The following NCAM2 variants were observed in gnomAD, a reference collection of about 807,000 sequenced individuals.
NCAM2 encodes the protein N-CAM-2.
NCAM2 carries 30 observed loss-of-function variants against 98.1 expected under a neutral mutation model. That is an observed-to-expected ratio of 0.31 (90% CI 0.23 to 0.41). The LOEUF (loss-of-function observed/expected upper bound fraction) is 0.41, where lower values mean the gene tolerates loss of function less well. Among genes scored for constraint, NCAM2 ranks in the 10% least tolerant of loss-of-function variants. NCAM2 has a pLI of 1.00. For missense variants in NCAM2, 867 were observed against 1,005.8 expected, an observed-to-expected ratio of 0.86 and a Z score of 1.87; for synonymous variants, 368 against 342.4, an observed-to-expected ratio of 1.07 and a Z score of -0.83.
intron 9 of NCAM2, 70 bp from the exon 10 acceptor site, chr21:21,410,204 C>T (rs1602253000): frequency 1.2e-6 from 1 of 804,040 alleles, no homozygotes; most frequent in Non-Finnish European, 1.8e-6. Context: ...ATAACTAATG[C>T]TTATACTACT....
intron 15 of NCAM2, among the ~76,000 whole-genome samples, chr21:21,480,025 A>G (rs1034927368): frequency 2.6e-5 from 4 of 152,112 alleles, no homozygotes; most frequent in African/African-American, 9.7e-5. Context: ...ATGTCCCCCA[A>G]AATCTCCACA....
At chr21:21,337,626 AAC>A (rs2074908876) in intron 7 of NCAM2, among the ~76,000 whole-genome samples, 1 of 152,040 alleles carries the variant, frequency 6.6e-6, no homozygotes, top group Non-Finnish European at 1.5e-5. Flanking sequence ...AAATACAAAT[AAC>A]ACAGATTTCA....
rs536628617 is a variant in NCAM2 at position 21,121,867 on chromosome 21, A to G, written c.55+123249A>G. On this transcript the variant is annotated intron_variant, in intron 1 of 17. Transcript: ENST00000400546. ...AATCAGGAAGCTGATACCACAGCCG[A>G]AGGCTCTAGATCTACATTTCTTCAA... is the stretch of plus-strand genomic sequence containing the variant. 5.9e-5 allele frequency among the ~76,000 whole-genome samples: 9 copies of G among 152,310 alleles called. No homozygotes were observed. The South Asian group carries it at 1.9e-3, about 32-fold the overall frequency.
At chr21:21,383,252 CA>C (rs2076197812) in intron 9 of NCAM2, among the ~76,000 whole-genome samples, 1 of 152,166 alleles carries the variant, frequency 6.6e-6, no homozygotes, top group East Asian at 1.9e-4. Flanking sequence ...ACTCAAACCT[CA>C]AGTGATTTCT....
At chr21:21,201,208 G>C (rs1248689138) in intron 1 of NCAM2, among the ~76,000 whole-genome samples, 2 of 152,210 alleles carry the variant, frequency 1.3e-5, no homozygotes, top group Non-Finnish European at 1.5e-5. Flanking sequence ...GGAAATATGA[G>C]AAGACTATGA....
intron 15 of NCAM2, among the ~76,000 whole-genome samples, chr21:21,499,542 A>G (rs1035918590): frequency 1.1e-4 from 17 of 152,152 alleles, no homozygotes; most frequent in Non-Finnish European, 1.6e-4. Context: ...TGCCTGGCCA[A>G]TAACAATAAA....
intron 16 of NCAM2, among the ~76,000 whole-genome samples, chr21:21,519,254 T>C (rs1988880875): frequency 6.6e-6 from 1 of 152,116 alleles, no homozygotes; most frequent in Non-Finnish European, 1.5e-5. Flanking sequence ...AGATGACTTT[T>C]GCTATTGTGT....
At chr21:21,164,793 G>A (rs989366915) in intron 1 of NCAM2, among the ~76,000 whole-genome samples, 4 of 152,118 alleles carry the variant, frequency 2.6e-5, no homozygotes, top group African/African-American at 9.7e-5. Flanking sequence ...GGGTCAAATA[G>A]TGAATCAAAC....
At chr21:21,142,597 T>C (rs907994286) in intron 1 of NCAM2, among the ~76,000 whole-genome samples, 9 of 152,144 alleles carry the variant, frequency 5.9e-5, no homozygotes, top group Admixed American at 5.9e-4. Flanking sequence ...GCCAGGATGG[T>C]CTTGATCTCC....
intron 15 of NCAM2, 76 bp from the exon 16 acceptor site, chr21:21,508,775 A>G: frequency 2.1e-6 from 2 of 932,676 alleles, no homozygotes; most frequent in South Asian, 2.0e-5. Flanking sequence ...ATCATCTAAT[A>G]TTTTCTAATT....
chr21:21,204,625 C>A (rs949087272), intron 1 of NCAM2, among the ~76,000 whole-genome samples: 1 of 152,012 alleles, frequency 6.6e-6, no homozygotes, highest in African/African-American at 2.4e-5. Flanking sequence ...AACACAGATC[C>A]CTTAGTTTCT....
chr21:21,085,212 T>A (rs1370427698), intron 1 of NCAM2, among the ~76,000 whole-genome samples: 1 of 151,792 alleles, frequency 6.6e-6, no homozygotes, highest in Non-Finnish European at 1.5e-5. Flanking sequence ...TTTTTTTTTT[T>A]AATTATAAAG....
intron 1 of NCAM2, among the ~76,000 whole-genome samples, chr21:21,186,340 T>G (rs1281870502): frequency 6.6e-6 from 1 of 152,158 alleles, no homozygotes; most frequent in African/African-American, 2.4e-5. Flanking sequence ...TAAATAAATG[T>G]TTCAAGTTTA....
chr21:21,028,550 T>C (rs929780206), intron 1 of NCAM2, among the ~76,000 whole-genome samples: 1 of 152,200 alleles, frequency 6.6e-6, no homozygotes, highest in African/African-American at 2.4e-5. Flanking sequence ...TCTTCGTTAT[T>C]GCCAGAAAAC....
intron 1 of NCAM2, among the ~76,000 whole-genome samples, chr21:21,108,819 AT>A (rs2066399305): frequency 6.6e-6 from 1 of 152,140 alleles, no homozygotes; most frequent in Admixed American, 6.5e-5. Context: ...CATTTCAGGA[AT>A]TTGTAATCAA....
intron 1 of NCAM2, among the ~76,000 whole-genome samples, chr21:21,138,475 T>G (rs947743700): frequency 6.6e-6 from 1 of 152,168 alleles, no homozygotes; most frequent in Non-Finnish European, 1.5e-5. Flanking sequence ...CTCTAGTGTA[T>G]TTATTTGCCT....
At chr21:21,176,878 A>T (rs2068308027) in intron 1 of NCAM2, among the ~76,000 whole-genome samples, 1 of 149,426 alleles carries the variant, frequency 6.7e-6, no homozygotes, top group African/African-American at 2.4e-5. Flanking sequence ...GGAATAGTTA[A>T]AAAAAAAAGG....
chr21:21,173,835 A>T (rs2068196948), intron 1 of NCAM2, among the ~76,000 whole-genome samples: 1 of 152,176 alleles, frequency 6.6e-6, no homozygotes, highest in Admixed American at 6.6e-5. Context: ...CAGCATAAAG[A>T]TTCTGTGTGG....
chr21:21,421,152 A>T (rs1244738114), intron 11 of NCAM2, among the ~76,000 whole-genome samples: 2 of 151,958 alleles, frequency 1.3e-5, no homozygotes, highest in East Asian at 3.8e-4. Flanking sequence ...GTGTATTAAT[A>T]TTTGGTATTT....
Sources: gnomAD v4.1 joint callset for allele counts (sites outside exome capture counted in the v4.1 genomes callset) on GRCh38, gnomAD v4.1.1 for gene constraint, MANE v1.5 for transcripts, NCBI Gene and HGNC (gene_info 2026-07-23, HGNC 2026-07-21) for gene names.